GNAQ: variants seen among roughly 807,000 people sequenced by gnomAD.
The protein encoded by GNAQ is guanine nucleotide-binding protein G(q) subunit alpha.
Under a neutral mutation model 43.9 loss-of-function variants are expected in GNAQ, and 8 were observed. That is an observed-to-expected ratio of 0.18 (90% CI 0.11 to 0.33). The LOEUF (loss-of-function observed/expected upper bound fraction) is 0.33. Among genes scored for constraint, GNAQ ranks in the 10% least tolerant of loss-of-function variants. The pLI is 1.00. For missense variants in GNAQ, 158 were observed against 450.8 expected, an observed-to-expected ratio of 0.35 and a Z score of 5.88; for synonymous variants, 155 against 170.7, an observed-to-expected ratio of 0.91 and a Z score of 0.71.
At chr9:77,942,330 T>G (rs1168278472) in intron 1 of GNAQ, among the ~76,000 whole-genome samples, 1 of 152,224 alleles carries the variant, frequency 6.6e-6, no homozygotes, top group Non-Finnish European at 1.5e-5. Context: ...AGTGGTCAAG[T>G]ATTATATGAA....
chr9:77,773,310 C>G (rs924105515), intron 5 of GNAQ, among the ~76,000 whole-genome samples: 12 of 152,136 alleles, frequency 7.9e-5, no homozygotes, highest in Admixed American at 6.5e-4. Context: ...GATAATGTTT[C>G]CAAATGAAAG....
chr9:77,717,294 A>G lies in GNAQ; in HGVS notation c.*4029T>C, dbSNP rs1825240985. The G allele has an allele frequency of 4.3e-6, 1 of 232,262 alleles. No homozygotes were observed. The highest frequency in any genetic ancestry group is 2.2e-5 in the African/African-American group (1 of 45,296). The allele number at this position is 232,262 out of a possible 1,614,324, so 14.4% of individuals were successfully genotyped here. On this transcript the variant is annotated 3_prime_UTR_variant, in exon 7 of 7. Coordinates refer to ENST00000286548, the MANE Select transcript of GNAQ (RefSeq NM_002072.5). ...TTGATTACCAATTAAGTGGTTTTAA[A>G]CCCTTATTTAATTTGAAGAAGAGCA...
At chr9:77,915,529 C>T (rs1187143440) in intron 2 of GNAQ, among the ~76,000 whole-genome samples, 1 of 150,480 alleles carries the variant, frequency 6.6e-6, no homozygotes, top group Non-Finnish European at 1.5e-5. Flanking sequence ...TTTCAAAAAC[C>T]ATTTATGAGA....
intron 5 of GNAQ, among the ~76,000 whole-genome samples, chr9:77,788,168 A>G (rs1330287879): frequency 6.6e-6 from 1 of 152,230 alleles, no homozygotes; most frequent in African/African-American, 2.4e-5. Flanking sequence ...TCAATTGTGT[A>G]TATATCAAAA....
intron 1 of GNAQ, among the ~76,000 whole-genome samples, chr9:77,967,949 C>T (rs146372833): frequency 1.3e-5 from 2 of 152,064 alleles, no homozygotes; most frequent in Admixed American, 6.6e-5. Flanking sequence ...CATTGCACTC[C>T]AGCCTGGGCA....
At chr9:77,739,837 G>C (rs1825627349) in intron 5 of GNAQ, among the ~76,000 whole-genome samples, 1 of 152,192 alleles carries the variant, frequency 6.6e-6, no homozygotes. Flanking sequence ...TTTGGATAAA[G>C]AGAAATGGAA....
chr9:77,999,648 T>C (rs1306865690), intron 1 of GNAQ, among the ~76,000 whole-genome samples: 1 of 152,208 alleles, frequency 6.6e-6, no homozygotes, highest in Non-Finnish European at 1.5e-5. Flanking sequence ...GGAAGCTACT[T>C]ATTTCAACAA....
intron 1 of GNAQ, among the ~76,000 whole-genome samples, chr9:78,001,682 G>C (rs1036310523): frequency 2.0e-5 from 3 of 151,756 alleles, no homozygotes; most frequent in Non-Finnish European, 4.4e-5. Context: ...AGAGGAGAAG[G>C]AACATTTACT....
intron 2 of GNAQ, among the ~76,000 whole-genome samples, chr9:77,897,092 ACAAAGGAGGCACCCGTGC>A (rs760317286): frequency 3.3e-5 from 5 of 152,234 alleles, no homozygotes; most frequent in Non-Finnish European, 7.3e-5. Flanking sequence ...TTGCCCCATT[ACAAAGGAGGCACCCGTGC>A]CAAACCGGGG....
chr9:77,890,580 G>C (rs1054787432), intron 2 of GNAQ, among the ~76,000 whole-genome samples: 1 of 152,000 alleles, frequency 6.6e-6, no homozygotes, highest in Admixed American at 6.5e-5. Flanking sequence ...AAAATTAGCC[G>C]GGCGTGGTGG....
At chr9:77,729,084 C>T (rs1000000762) in intron 5 of GNAQ, among the ~76,000 whole-genome samples, 1 of 97,334 alleles carries the variant, frequency 1.0e-5, no homozygotes, top group African/African-American at 2.7e-5. Flanking sequence ...TTATTTGGGG[C>T]CTCACAATTA....
intron 1 of GNAQ, among the ~76,000 whole-genome samples, chr9:77,932,852 G>C (rs1293916251): frequency 6.6e-6 from 1 of 152,062 alleles, no homozygotes; most frequent in African/African-American, 2.4e-5. Context: ...CAAATTAGTA[G>C]GGTATTCCAA....
At chr9:77,982,029 T>C (rs151326956) in intron 1 of GNAQ, among the ~76,000 whole-genome samples, 1 of 152,296 alleles carries the variant, frequency 6.6e-6, no homozygotes, top group Non-Finnish European at 1.5e-5. Context: ...CTGATTTAGG[T>C]TCCTACCTGG....
Position 77,910,880 on chromosome 9 carries a change from C to A in GNAQ, c.321+11281G>T, listed in dbSNP as rs371076997. ...GCTTAACACCACACAACAGTTTTGT[C>A]GTAGAGTATGTTTCAAACCAAGTTG... is the stretch of plus-strand genomic sequence containing the variant. On this transcript the variant is annotated intron_variant, in intron 2 of 6. Coordinates refer to ENST00000286548, the MANE Select transcript of GNAQ (RefSeq NM_002072.5). 2.0e-5 allele frequency among the ~76,000 whole-genome samples: 3 copies of A among 152,238 alleles called. No homozygotes were observed. The South Asian group carries it at 6.2e-4, about 32-fold the overall frequency.
intron 5 of GNAQ, among the ~76,000 whole-genome samples, chr9:77,779,842 AAAC>A (rs562514926): frequency 2.2e-4 from 34 of 152,002 alleles, no homozygotes; most frequent in African/African-American, 7.5e-4. Context: ...CAATTCTTTG[AAAC>A]ACAATTTGCC....
At chr9:77,864,911 T>A (rs1285157039) in intron 2 of GNAQ, among the ~76,000 whole-genome samples, 1 of 152,204 alleles carries the variant, frequency 6.6e-6, no homozygotes, top group African/African-American at 2.4e-5. Context: ...TGGAGACAGC[T>A]TCTTTAAACC....
chr9:77,743,291 A>C lies in GNAQ; in HGVS notation c.736-14624T>G, dbSNP rs113966150. ...ACAAAAAACAAACAAACAAACAAAA[A>C]AAACAAACAACATCAGCAGGAGAGG... On this transcript the variant is annotated intron_variant, in intron 5 of 6. Coordinates refer to ENST00000286548, the MANE Select transcript of GNAQ (RefSeq NM_002072.5). Among the ~76,000 whole-genome samples, 868 of 152,084 alleles carry C rather than the reference A, an allele frequency of 5.7e-3. 2 individuals are homozygous for C. The highest frequency in any genetic ancestry group is 0.02 in the African/African-American group (821 of 41,510).
rs796592564 is a variant in GNAQ at position 77,854,082 on chromosome 9, T to C, written c.322-38312A>G. Among the ~76,000 whole-genome samples the C allele has an allele frequency of 8.8e-4, 134 of 152,322 alleles. 1 individual carries two copies. The highest frequency in any genetic ancestry group is 2.9e-3 in the African/African-American group (120 of 41,586). ...GATCCATTATTTCATATGGGTCACA[T>C]GCCTCTCTTACATCCTGTATATTTT... On this transcript the variant is annotated intron_variant, in intron 2 of 6. Coordinates refer to ENST00000286548, the MANE Select transcript of GNAQ (RefSeq NM_002072.5).
chr9:77,909,176 G>C (rs186139150), intron 2 of GNAQ, among the ~76,000 whole-genome samples: 2 of 152,210 alleles, frequency 1.3e-5, no homozygotes, highest in Non-Finnish European at 2.9e-5. Flanking sequence ...CAAAGCATAT[G>C]GTATTGATTA....
Sources: gnomAD v4.1 joint callset for allele counts (sites outside exome capture counted in the v4.1 genomes callset) on GRCh38, gnomAD v4.1.1 for gene constraint, MANE v1.5 for transcripts, NCBI Gene and HGNC (gene_info 2026-07-23, HGNC 2026-07-21) for gene names.